The following CDH10 variants were observed in gnomAD, a reference collection of about 807,000 sequenced individuals.
The protein encoded by CDH10 is cadherin-10.
In CDH10, 30 loss-of-function variants were observed where a neutral mutation model predicts 73.1. The observed-to-expected ratio is 0.41, with a 90% CI of 0.31 to 0.56. The LOEUF (loss-of-function observed/expected upper bound fraction) is 0.56, where lower values mean the gene tolerates loss of function less well. Among genes scored for constraint, CDH10 ranks in the 20% least tolerant of loss-of-function variants. CDH10 has a pLI of 0.27. For synonymous variants in CDH10, 345 were observed against 348.2 expected (o/e 0.99, Z 0.10); for missense variants, 815 against 973.7 (o/e 0.84, Z 2.17).
intron 1 of CDH10, among the ~76,000 whole-genome samples, chr5:24,641,095 G>A (rs1748035757): frequency 6.6e-6 from 1 of 151,906 alleles, no homozygotes; most frequent in South Asian, 2.1e-4. Context: ...GTTAGTTCAA[G>A]TGAGTGATGA....
intron 8 of CDH10, among the ~76,000 whole-genome samples, chr5:24,504,528 T>TTTTTTAAGATGGAA (rs1742619870): frequency 7.8e-6 from 1 of 127,394 alleles, no homozygotes; most frequent in African/African-American, 2.9e-5. Flanking sequence ...TTTTTTTTTT[T>TTTTTTAAGATGGAA]TTTTTTTTTT....
intron 2 of CDH10, among the ~76,000 whole-genome samples, chr5:24,569,285 T>G (rs1579821189): frequency 6.6e-6 from 1 of 152,126 alleles, no homozygotes; most frequent in Non-Finnish European, 1.5e-5. Context: ...TTTGTATCAT[T>G]TGAAATGATA....
intron 2 of CDH10, among the ~76,000 whole-genome samples, chr5:24,548,128 T>G (rs2111938661): frequency 6.6e-6 from 1 of 151,134 alleles, no homozygotes; most frequent in East Asian, 2.0e-4. Flanking sequence ...CAGGGTTTCT[T>G]TTCTCTTTTT....
intron 1 of CDH10, among the ~76,000 whole-genome samples, chr5:24,632,471 T>C (rs1453555615): frequency 1.3e-5 from 2 of 151,974 alleles, no homozygotes; most frequent in African/African-American, 4.8e-5. Context: ...AGCAAATCAA[T>C]AGTAATATAT....
chr5:24,606,179 T>G (rs748600741), intron 1 of CDH10, among the ~76,000 whole-genome samples: 4 of 152,178 alleles, frequency 2.6e-5, no homozygotes, highest in Non-Finnish European at 4.4e-5. Context: ...AACTTTACCC[T>G]AGAAAGGATG....
intron 8 of CDH10, among the ~76,000 whole-genome samples, chr5:24,501,546 G>A (rs991823671): frequency 1.3e-5 from 2 of 152,198 alleles, no homozygotes; most frequent in African/African-American, 4.8e-5. Context: ...ACTATAGCAA[G>A]AAGGTATCAG....
At chr5:24,636,541 A>G (rs1747874884) in intron 1 of CDH10, among the ~76,000 whole-genome samples, 1 of 151,892 alleles carries the variant, frequency 6.6e-6, no homozygotes, top group Admixed American at 6.6e-5. Context: ...GGCTTCTATG[A>G]AGTGCTTATT....
At position 24,504,506 on chromosome 5, in the gene CDH10, CTTTTTTTTTTTTTTTTTT is replaced by C. The variant is rs70965605; in HGVS notation, c.1393+588_1393+605del. Among the ~76,000 whole-genome samples the C allele has an allele frequency of 1.4e-4, 9 of 65,164 alleles. 1 individual carries two copies. In the East Asian group the frequency reaches 1.6e-3, roughly 12 times the overall value. The allele number at this position is 65,164 out of a possible 152,430, so 42.8% of individuals were successfully genotyped here. A position where few individuals can be genotyped will look rare whatever the true frequency, so the allele number is the denominator to read the frequency against. On this transcript the variant is annotated intron_variant, in intron 8 of 11. Coordinates refer to ENST00000264463, the MANE Select transcript of CDH10 (RefSeq NM_006727.5). ...TATTAAATGCTTTTCTCCTATTAAT[CTTTTTTTTTTTTTTTTTT>C]TTTTTTTTTTTTTTTTTTTAAGATG... is the stretch of plus-strand genomic sequence containing the variant.
chr5:24,551,576 C>T (rs924524988), intron 2 of CDH10, among the ~76,000 whole-genome samples: 8 of 152,084 alleles, frequency 5.3e-5, no homozygotes, highest in South Asian at 2.1e-4. Context: ...AGTCTCTTCA[C>T]TTTTATATTT....
intron 1 of CDH10, among the ~76,000 whole-genome samples, chr5:24,641,041 A>C (rs946349806): frequency 1.3e-5 from 2 of 151,956 alleles, no homozygotes; most frequent in Non-Finnish European, 2.9e-5. Context: ...GAAATCTACA[A>C]ATTTAATGTG....
chr5:24,591,633 G>C (rs538787149), intron 2 of CDH10, among the ~76,000 whole-genome samples: 7 of 151,998 alleles, frequency 4.6e-5, no homozygotes, highest in Admixed American at 6.6e-5. Context: ...CCAGATGGCA[G>C]AGGGAATTCA....
chr5:24,494,460 C>G (rs1742188518), intron 9 of CDH10, among the ~76,000 whole-genome samples: 1 of 151,702 alleles, frequency 6.6e-6, no homozygotes, highest in Non-Finnish European at 1.5e-5. Context: ...ACTAGAAATC[C>G]TTAGTCATTA....
At chr5:24,633,872 C>G (rs1381404595) in intron 1 of CDH10, among the ~76,000 whole-genome samples, 1 of 151,720 alleles carries the variant, frequency 6.6e-6, no homozygotes, top group Non-Finnish European at 1.5e-5. Flanking sequence ...CGTCTAAAGC[C>G]AGAAAACATT....
intron 1 of CDH10, among the ~76,000 whole-genome samples, chr5:24,640,020 C>A (rs1200924806): frequency 6.6e-6 from 1 of 151,680 alleles, no homozygotes; most frequent in Non-Finnish European, 1.5e-5. Context: ...AAAAGAGTTG[C>A]TTTCATTTAA....
At chr5:24,633,458 A>G (rs1176984787) in intron 1 of CDH10, among the ~76,000 whole-genome samples, 3 of 151,876 alleles carry the variant, frequency 2.0e-5, no homozygotes, top group Admixed American at 6.6e-5. Context: ...CAATGACCAG[A>G]GTTTGCTGGT....
intron 5 of CDH10, among the ~76,000 whole-genome samples, chr5:24,515,729 T>C (rs1743084897): frequency 6.6e-6 from 1 of 152,184 alleles, no homozygotes; most frequent in Non-Finnish European, 1.5e-5. Flanking sequence ...ATGGCTGATA[T>C]GGTTTGGCTG....
intron 1 of CDH10, among the ~76,000 whole-genome samples, chr5:24,605,871 C>A (rs1209189679): frequency 6.6e-6 from 1 of 152,170 alleles, no homozygotes; most frequent in Non-Finnish European, 1.5e-5. Flanking sequence ...TGACATACTA[C>A]TTATTAATGT....
At chr5:24,560,872 AT>A (rs916207983) in intron 2 of CDH10, among the ~76,000 whole-genome samples, 2 of 152,098 alleles carry the variant, frequency 1.3e-5, no homozygotes, top group African/African-American at 2.4e-5. Context: ...ATATTTACTA[AT>A]ATGCCTTTTT....
intron 2 of CDH10, among the ~76,000 whole-genome samples, chr5:24,583,622 T>C (rs1745878560): frequency 6.6e-6 from 1 of 152,150 alleles, no homozygotes; most frequent in African/African-American, 2.4e-5. Context: ...TAATATATAT[T>C]AATAAATGTA....
Sources: gnomAD v4.1 joint callset for allele counts (sites outside exome capture counted in the v4.1 genomes callset) on GRCh38, gnomAD v4.1.1 for gene constraint, MANE v1.5 for transcripts, NCBI Gene and HGNC (gene_info 2026-07-23, HGNC 2026-07-21) for gene names.